The following CDH13 variants were observed in gnomAD, a reference collection of about 807,000 sequenced individuals.
CDH13 encodes the protein cadherin 13, also known as cadherin-13.
Under a neutral mutation model 63.8 loss-of-function variants are expected in CDH13, and 24 were observed. The ratio of observed to expected loss-of-function variants is 0.38; its 90% CI spans 0.27 to 0.53. CDH13 has a LOEUF of 0.53. CDH13 is among the 20% of genes least tolerant of loss of function. The probability of loss-of-function intolerance (pLI) is 0.85; values close to 1 mark genes in which losing one functional copy is unlikely to be tolerated. For missense variants in CDH13, 1,049 were observed against 903.1 expected, an observed-to-expected ratio of 1.16 and a Z score of -2.07; for synonymous variants, 503 against 355.3, an observed-to-expected ratio of 1.42 and a Z score of -4.67.
chr16:82,641,966 G>C (rs1020753691), intron 1 of CDH13, among the ~76,000 whole-genome samples: 1 of 152,036 alleles, frequency 6.6e-6, no homozygotes, highest in Non-Finnish European at 1.5e-5. Flanking sequence ...GCTTGCCTTC[G>C]CTGTTGGCTG....
intron 6 of CDH13, among the ~76,000 whole-genome samples, chr16:83,371,975 C>A (rs978415120): frequency 2.0e-5 from 3 of 152,178 alleles, no homozygotes; most frequent in African/African-American, 7.2e-5. Context: ...ATAGGGATAC[C>A]TTTGGGGAAA....
chr16:82,884,182 C>G lies in CDH13; in HGVS notation c.157+25709C>G, dbSNP rs779140250. On this transcript the variant is annotated intron_variant, in intron 2 of 13. Transcript: ENST00000567109. ...TATGCTGTTTCTTTCCAACATAATA[C>G]AGATGTATTCTACTAGCTGACAGAC... 12 of 455,812 alleles carry G rather than the reference C, an allele frequency of 2.6e-5. 1 individual carries two copies. Among genetic ancestry groups the G allele is most frequent in the South Asian group, 1.9e-4 (12 of 64,526 alleles). 28.2% of individuals were successfully genotyped at this position (455,812 alleles called of 1,614,324 possible). A position where few individuals can be genotyped will look rare whatever the true frequency, so the allele number is the denominator to read the frequency against.
intron 8 of CDH13, among the ~76,000 whole-genome samples, chr16:83,666,821 A>G (rs994788356): frequency 7.1e-5 from 6 of 84,950 alleles, no homozygotes; most frequent in African/African-American, 2.1e-4. Context: ...ACCTCCACAC[A>G]TACACACACA....
chr16:83,588,286 C>G (rs112428982), intron 7 of CDH13, among the ~76,000 whole-genome samples: 5 of 152,194 alleles, frequency 3.3e-5, no homozygotes, highest in African/African-American at 1.2e-4. Flanking sequence ...CTAACATTGC[C>G]CATGCCTGCC....
chr16:82,816,803 CG>C (rs369140283), intron 1 of CDH13, among the ~76,000 whole-genome samples: 2 of 122,318 alleles, frequency 1.6e-5, no homozygotes, highest in Non-Finnish European at 3.3e-5. Context: ...CTAGAAACTT[CG>C]GGGGGCGGGG....
chr16:83,090,583 A>AAAT (rs1435747641), intron 3 of CDH13, among the ~76,000 whole-genome samples: 4 of 150,462 alleles, frequency 2.7e-5, no homozygotes, highest in African/African-American at 1.0e-4. Context: ...CAAAAAAAAA[A>AAAT]AAAAAAATAA....
chr16:83,316,398 C>T (rs1353723295), intron 5 of CDH13, among the ~76,000 whole-genome samples: 1 of 152,150 alleles, frequency 6.6e-6, no homozygotes, highest in Admixed American at 6.5e-5. Context: ...TGTCACGAGC[C>T]TGGATTTCCA....
intron 12 of CDH13, among the ~76,000 whole-genome samples, chr16:83,780,806 C>G (rs1217454146): frequency 6.6e-6 from 1 of 152,190 alleles, no homozygotes; most frequent in East Asian, 1.9e-4. Flanking sequence ...AGATAGGAGT[C>G]TCTGCTTCTC....
intron 8 of CDH13, among the ~76,000 whole-genome samples, chr16:83,605,286 T>G (rs1908219354): frequency 6.6e-6 from 1 of 152,184 alleles, no homozygotes; most frequent in African/African-American, 2.4e-5. Flanking sequence ...ATATTAAATG[T>G]CCCAAAGGAG....
intron 1 of CDH13, among the ~76,000 whole-genome samples, chr16:82,686,708 G>T (rs16958271): frequency 0.027 from 4,038 of 152,188 alleles, 99 homozygotes; most frequent in African/African-American, 0.058. Flanking sequence ...TCTTCCTTCC[G>T]TTGACAACCC....
At chr16:83,300,687 T>C (rs899772867) in intron 5 of CDH13, among the ~76,000 whole-genome samples, 1 of 152,258 alleles carries the variant, frequency 6.6e-6, no homozygotes, top group African/African-American at 2.4e-5. Flanking sequence ...AATTAAATCT[T>C]ACATAAAATA....
At chr16:83,314,911 G>A (rs1429496281) in intron 5 of CDH13, among the ~76,000 whole-genome samples, 2 of 152,106 alleles carry the variant, frequency 1.3e-5, no homozygotes, top group Non-Finnish European at 2.9e-5. Flanking sequence ...TTGGGCCTTT[G>A]CCTTCCTGTC....
At chr16:82,634,065 C>T (rs569979618) in intron 1 of CDH13, among the ~76,000 whole-genome samples, 283 of 152,364 alleles carry the variant, frequency 1.9e-3, no homozygotes, top group African/African-American at 6.4e-3. Context: ...GAGCATCACC[C>T]GATCTGCTGC....
At chr16:83,625,197 T>TGTGTGTGCTCATGTGTGG (rs1910184895) in intron 8 of CDH13, among the ~76,000 whole-genome samples, 1 of 152,004 alleles carries the variant, frequency 6.6e-6, no homozygotes, top group Non-Finnish European at 1.5e-5. Context: ...CTCATGTGTG[T>TGTGTGTGCTCATGTGTGG]GTGTGCATGT....
chr16:82,646,838 C>T (rs752250322), intron 1 of CDH13, among the ~76,000 whole-genome samples: 3 of 152,016 alleles, frequency 2.0e-5, no homozygotes, highest in African/African-American at 4.8e-5. Context: ...GTTATAAGCT[C>T]GAGGGAAGCC....
At chr16:83,310,145 C>A (rs2089968507) in intron 5 of CDH13, among the ~76,000 whole-genome samples, 1 of 152,198 alleles carries the variant, frequency 6.6e-6, no homozygotes, top group Non-Finnish European at 1.5e-5. Flanking sequence ...TAATATGCTT[C>A]ATAAATTGCC....
intron 2 of CDH13, among the ~76,000 whole-genome samples, chr16:83,003,628 C>G (rs1319493214): frequency 6.6e-6 from 1 of 152,172 alleles, no homozygotes; most frequent in Non-Finnish European, 1.5e-5. Flanking sequence ...CATATCATGT[C>G]CTGGAATGTT....
chr16:83,152,898 C>T (rs2037046514), intron 4 of CDH13, among the ~76,000 whole-genome samples: 1 of 152,068 alleles, frequency 6.6e-6, no homozygotes, highest in Non-Finnish European at 1.5e-5. Context: ...CGGACATAGA[C>T]ACGCCCACAA....
intron 6 of CDH13, among the ~76,000 whole-genome samples, chr16:83,446,155 T>G (rs184900465): frequency 1.3e-5 from 2 of 151,582 alleles, no homozygotes; most frequent in Non-Finnish European, 2.9e-5. Flanking sequence ...ATACAGAAAT[T>G]TTCTAGGCAT....
Sources: gnomAD v4.1 joint callset for allele counts (sites outside exome capture counted in the v4.1 genomes callset) on GRCh38, gnomAD v4.1.1 for gene constraint, MANE v1.5 for transcripts, NCBI Gene and HGNC (gene_info 2026-07-23, HGNC 2026-07-21) for gene names.